Variants in TIMP2 observed in about 807,000 individuals in gnomAD.
TIMP2 encodes the protein TIMP metallopeptidase inhibitor 2, also known as metalloproteinase inhibitor 2.
In TIMP2, 5 loss-of-function variants were observed where a neutral mutation model predicts 24.3. That is an observed-to-expected ratio of 0.21 (90% CI 0.11 to 0.43). The LOEUF (loss-of-function observed/expected upper bound fraction) is 0.43. Ranked by LOEUF, TIMP2 falls within the 20% of genes least tolerant of loss-of-function variation. The pLI, the probability that TIMP2 is intolerant of heterozygous loss-of-function variation, is 1.00. For synonymous variants in TIMP2, 130 were observed against 123.2 expected (o/e 1.06, Z -0.37); for missense variants, 221 against 297.5 (o/e 0.74, Z 1.89).
rs1175958422 is a variant in TIMP2, at chr17:78,896,811, C to G, written c.131-22892G>C. On this transcript the variant is annotated intron_variant, in intron 1 of 4. Coordinates refer to ENST00000262768, the MANE Select transcript of TIMP2 (RefSeq NM_003255.5). The surrounding 1 kb of genome is among the most constrained non-coding windows in gnomAD (Gnocchi z 4.4). ...GAGTGGACACTGGGCCCATTCTCCT[C>G]TCTTGCTCTCTACAGCCCCGTGGCC... 1 of 557,752 alleles carries G rather than the reference C, an allele frequency of 1.8e-6. No individual in the cohort carries two copies. Among genetic ancestry groups the G allele is most frequent in the African/African-American group, 2.1e-5 (1 of 48,646 alleles). The allele number at this position is 557,752 out of a possible 1,614,324, so 34.6% of individuals were successfully genotyped here.
intron 1 of TIMP2, among the ~76,000 whole-genome samples, chr17:78,893,920 G>A (rs1021257475): frequency 2.0e-5 from 3 of 152,280 alleles, no homozygotes; most frequent in Non-Finnish European, 4.4e-5. Flanking sequence ...GAAACAGCCA[G>A]ATCTGTGAGC....
At chr17:78,909,685 G>T (rs1334917710) in intron 1 of TIMP2, among the ~76,000 whole-genome samples, 1 of 152,154 alleles carries the variant, frequency 6.6e-6, no homozygotes, top group Non-Finnish European at 1.5e-5. Flanking sequence ...TCACCGTAAG[G>T]CTCGGGTCTC....
At chr17:78,881,368 TG>T (rs2069778713) in intron 1 of TIMP2, among the ~76,000 whole-genome samples, 1 of 152,132 alleles carries the variant, frequency 6.6e-6, no homozygotes, top group Admixed American at 6.5e-5. Context: ...GGGAGTCGGG[TG>T]GGGGCTTCAC....
At chr17:78,859,457 C>T (rs888675152) in intron 3 of TIMP2, among the ~76,000 whole-genome samples, 1 of 151,748 alleles carries the variant, frequency 6.6e-6, no homozygotes, top group Non-Finnish European at 1.5e-5. Flanking sequence ...GTCAGGAGTT[C>T]GAGACCAGCC....
intron 1 of TIMP2, among the ~76,000 whole-genome samples, chr17:78,910,063 C>T (rs2070194298): frequency 6.6e-6 from 1 of 152,128 alleles, no homozygotes; most frequent in South Asian, 2.1e-4. Flanking sequence ...TAGATACATA[C>T]AATGTATAGT....
intron 3 of TIMP2, among the ~76,000 whole-genome samples, chr17:78,860,998 T>C (rs2145746389): frequency 6.8e-6 from 1 of 147,638 alleles, no homozygotes; most frequent in East Asian, 2.0e-4. Flanking sequence ...ATCGCGCCAT[T>C]GCACTCCAGC....
At chr17:78,905,331 C>T (rs1472875112) in intron 1 of TIMP2, among the ~76,000 whole-genome samples, 1 of 152,212 alleles carries the variant, frequency 6.6e-6, no homozygotes, top group Non-Finnish European at 1.5e-5. Context: ...ATTCCAGGAC[C>T]TCCCAGCCTT....
At chr17:78,864,817 C>A (rs2069596256) in intron 3 of TIMP2, among the ~76,000 whole-genome samples, 1 of 152,050 alleles carries the variant, frequency 6.6e-6, no homozygotes, top group Non-Finnish European at 1.5e-5. Context: ...TTTGGGAAGC[C>A]AAGGCAGGCG....
rs141748969 is a variant in TIMP2 at position 78,896,695 on chromosome 17, C to G, written c.131-22776G>C. Among the ~76,000 whole-genome samples the G allele has an allele frequency of 1.7e-3, 258 of 152,272 alleles. No homozygotes were observed. Among genetic ancestry groups the G allele is most frequent in the African/African-American group, 6.0e-3 (249 of 41,556 alleles). On this transcript the variant is annotated intron_variant, in intron 1 of 4. Transcript: ENST00000262768. The surrounding 1 kb of genome is among the most constrained non-coding windows in gnomAD (Gnocchi z 4.4). ...ACCACTCAGAGAAACCACAGCTCCC[C>G]CCTCCGCAGAAGCCGCGCTCGGAGC...
At chr17:78,882,632 C>A (rs988941922) in intron 1 of TIMP2, among the ~76,000 whole-genome samples, 1 of 152,226 alleles carries the variant, frequency 6.6e-6, no homozygotes, top group African/African-American at 2.4e-5. Flanking sequence ...GCCGACCTCG[C>A]CAGCTGGAGC....
At chr17:78,919,229 C>G (rs547882540) in intron 1 of TIMP2, among the ~76,000 whole-genome samples, 1 of 152,258 alleles carries the variant, frequency 6.6e-6, no homozygotes, top group South Asian at 2.1e-4. Flanking sequence ...TGTCATTCCA[C>G]AGCCAGAACA....
At position 78,924,281 on chromosome 17, in the gene TIMP2, G is replaced by C. The variant is rs1467800911; in HGVS notation, c.130+678C>G. On this transcript the variant is annotated intron_variant, in intron 1 of 4. Transcript: ENST00000262768. The surrounding 1 kb of genome is among the most constrained non-coding windows in gnomAD (Gnocchi z 5.3). ...GGTCACCAAAGTCTCCAGCTTTTGT[G>C]GACGTCCCGAAAAAGCGGAACATTC... Among the ~76,000 whole-genome samples, 4 of 152,232 alleles carry C rather than the reference G, an allele frequency of 2.6e-5. No homozygotes were observed. The highest frequency in any genetic ancestry group is 9.6e-5 in the African/African-American group (4 of 41,460).
At chr17:78,871,449 C>CA (rs749440079) in intron 2 of TIMP2, among the ~76,000 whole-genome samples, 13,003 of 122,238 alleles carry the variant, frequency 0.11, 777 homozygotes, top group East Asian at 0.19. Context: ...AAGACTCCGT[C>CA]AAAAAAAAAA....
At chr17:78,906,658 C>T (rs1268973980) in intron 1 of TIMP2, among the ~76,000 whole-genome samples, 3 of 152,140 alleles carry the variant, frequency 2.0e-5, no homozygotes, top group African/African-American at 7.2e-5. Context: ...TCTCGGCTCA[C>T]TGCAACCTCC....
rs954049292 is a variant in TIMP2, at chr17:78,877,574, A to G, written c.131-3655T>C. Among the ~76,000 whole-genome samples, 3 of 152,080 alleles carry G rather than the reference A, an allele frequency of 2.0e-5. No homozygotes were observed. The East Asian group carries it at 5.8e-4, about 29-fold the overall frequency. On this transcript the variant is annotated intron_variant, in intron 1 of 4. Transcript: ENST00000262768. ...TTAAAAAAAGAAAAGAAAGAAAAGGAAAAAAAGCAAGCCAGCAGAATCCAA... is the reference window on the plus strand; with the variant it reads ...TTAAAAAAAGAAAAGAAAGAAAAGGGAAAAAAGCAAGCCAGCAGAATCCAA...
At chr17:78,856,076 G>A (rs75637700) in intron 4 of TIMP2, 5 of 590,570 alleles carry the variant, frequency 8.5e-6, no homozygotes, top group Non-Finnish European at 1.5e-5. Context: ...GCCCACCGCT[G>A]CCCCCCCTCC....
At chr17:78,874,396 C>G (rs919384636) in intron 1 of TIMP2, among the ~76,000 whole-genome samples, 1 of 152,102 alleles carries the variant, frequency 6.6e-6, no homozygotes, top group African/African-American at 2.4e-5. Context: ...GGACATTTCC[C>G]CACCCTCCAG....
At chr17:78,897,399 G>C (rs1461855446) in intron 1 of TIMP2, 1 of 152,140 alleles carries the variant, frequency 6.6e-6, no homozygotes, top group Non-Finnish European at 1.5e-5. Flanking sequence ...TGAGAGAGTG[G>C]CCGCCCACCC....
chr17:78,918,763 C>A (rs1049433311), intron 1 of TIMP2, among the ~76,000 whole-genome samples: 6 of 152,122 alleles, frequency 3.9e-5, no homozygotes, highest in Non-Finnish European at 7.3e-5. Context: ...CTTTGGGAGG[C>A]CAAGGTGGGC....
Sources: gnomAD v4.1 joint callset for allele counts (sites outside exome capture counted in the v4.1 genomes callset) on GRCh38, gnomAD v4.1.1 for gene constraint, Gnocchi (gnomAD v3.1) non-coding constraint, MANE v1.5 for transcripts, NCBI Gene and HGNC (gene_info 2026-07-23, HGNC 2026-07-21) for gene names.